UST: variants seen among roughly 807,000 people sequenced by gnomAD.
The protein encoded by UST is uronyl 2-sulfotransferase.
Under a neutral mutation model 45.6 loss-of-function variants are expected in UST, and 21 were observed. That is an observed-to-expected ratio of 0.46 (90% CI 0.33 to 0.66). UST has a LOEUF of 0.66. Among genes scored for constraint, UST ranks in the 30% least tolerant of loss-of-function variants. The pLI, the probability that UST is intolerant of heterozygous loss-of-function variation, is 0.02. For synonymous variants in UST, 215 were observed against 200.6 expected (o/e 1.07, Z -0.61); for missense variants, 463 against 512.4 (o/e 0.90, Z 0.93).
chr6:148,922,326 C>G (rs924927928), intron 2 of UST, among the ~76,000 whole-genome samples: 4 of 150,652 alleles, frequency 2.7e-5, no homozygotes, highest in Non-Finnish European at 4.4e-5. Context: ...GGATTCTGAG[C>G]ATTTCATATA....
intron 1 of UST, among the ~76,000 whole-genome samples, chr6:148,776,393 T>C (rs1338887174): frequency 6.6e-6 from 1 of 152,086 alleles, no homozygotes; most frequent in Non-Finnish European, 1.5e-5. Context: ...AGGGTGGGAG[T>C]GTGGTCAATG....
chr6:148,877,178 T>C (rs1418637500), intron 1 of UST, among the ~76,000 whole-genome samples: 2 of 34,550 alleles, frequency 5.8e-5, no homozygotes, highest in African/African-American at 1.3e-4. Context: ...TGTATGAGTG[T>C]GGGGGTCGTG....
chr6:148,858,788 G>C (rs1019736017), intron 1 of UST, among the ~76,000 whole-genome samples: 2 of 152,086 alleles, frequency 1.3e-5, no homozygotes, highest in African/African-American at 4.8e-5. Flanking sequence ...CAGAATGATC[G>C]TTTCCAGCTT....
At chr6:148,939,824 A>G (rs1780089661) in intron 2 of UST, among the ~76,000 whole-genome samples, 1 of 152,210 alleles carries the variant, frequency 6.6e-6, no homozygotes, top group African/African-American at 2.4e-5. Context: ...TTTCTTAGAT[A>G]TGACACCAAA....
intron 1 of UST, among the ~76,000 whole-genome samples, chr6:148,768,348 A>G (rs1562561866): frequency 6.6e-6 from 1 of 152,106 alleles, no homozygotes. Context: ...TCTCTTATCA[A>G]TTCTAAGAGT....
At chr6:148,968,553 T>G (rs948383971) in intron 5 of UST, among the ~76,000 whole-genome samples, 9 of 152,352 alleles carry the variant, frequency 5.9e-5, no homozygotes, top group African/African-American at 2.2e-4. Flanking sequence ...GAGACTCTAA[T>G]CCAGCTCATG....
intron 5 of UST, among the ~76,000 whole-genome samples, chr6:148,981,102 C>A (rs1781124916): frequency 6.6e-6 from 1 of 152,146 alleles, no homozygotes; most frequent in Admixed American, 6.6e-5. Flanking sequence ...CTCATGATCC[C>A]AGCCTTTGAG....
At chr6:148,811,108 G>A (rs1280459881) in intron 1 of UST, among the ~76,000 whole-genome samples, 1 of 152,140 alleles carries the variant, frequency 6.6e-6, no homozygotes, top group African/African-American at 2.4e-5. Context: ...AAGCCCACTG[G>A]CATACAAAGG....
At position 148,855,961 on chromosome 6, in the gene UST, T is replaced by G. The variant is rs1017719685; in HGVS notation, c.248-31025T>G. ...CCTCCTTTGTATGTTGGTGATCAAT[T>G]CTAACTTTTTACAACCTAGTCAAAT... On this transcript the variant is annotated intron_variant, in intron 1 of 7. Coordinates refer to ENST00000367463, the MANE Select transcript of UST (RefSeq NM_005715.3). 7.1e-4 allele frequency among the ~76,000 whole-genome samples: 108 copies of G among 152,296 alleles called. 1 individual carries two copies. Among genetic ancestry groups the G allele is most frequent in the African/African-American group, 2.5e-3 (104 of 41,568 alleles).
chr6:148,884,233 T>G (rs1304010646), intron 1 of UST, among the ~76,000 whole-genome samples: 1 of 152,068 alleles, frequency 6.6e-6, no homozygotes, highest in Admixed American at 6.5e-5. Flanking sequence ...AAGATTTTGG[T>G]ATAAAGAGTT....
intron 5 of UST, among the ~76,000 whole-genome samples, chr6:148,981,324 C>T (rs184157160): frequency 2.0e-4 from 30 of 152,300 alleles, no homozygotes; most frequent in Non-Finnish European, 3.1e-4. Context: ...AGTGAAGCCG[C>T]CTCCATTAAG....
chr6:148,968,055 C>T (rs1012427505), intron 5 of UST, among the ~76,000 whole-genome samples: 1 of 152,126 alleles, frequency 6.6e-6, no homozygotes, highest in African/African-American at 2.4e-5. Flanking sequence ...GGGTAAAGTC[C>T]CTGCCAGGAG....
intron 3 of UST, among the ~76,000 whole-genome samples, chr6:148,944,043 A>G (rs981634164): frequency 6.6e-6 from 1 of 152,198 alleles, no homozygotes; most frequent in Non-Finnish European, 1.5e-5. Context: ...TTAAAGTTTC[A>G]ACGTGCATAA....
At chr6:148,980,755 G>A (rs190624348) in intron 5 of UST, among the ~76,000 whole-genome samples, 1 of 151,972 alleles carries the variant, frequency 6.6e-6, no homozygotes, top group Non-Finnish European at 1.5e-5. Flanking sequence ...ATCTTCCTCT[G>A]TTGCCTAGGT....
intron 7 of UST, among the ~76,000 whole-genome samples, chr6:149,044,320 A>G (rs373309290): frequency 5.9e-5 from 9 of 151,554 alleles, no homozygotes; most frequent in African/African-American, 1.9e-4. Context: ...TTTTCATTTC[A>G]AAAAAAAACT....
At chr6:149,034,855 T>C (rs961387105) in intron 7 of UST, among the ~76,000 whole-genome samples, 8 of 115,660 alleles carry the variant, frequency 6.9e-5, no homozygotes, top group Non-Finnish European at 1.7e-5. Flanking sequence ...TCTCTCTCTC[T>C]CTCTCTCTCT....
At chr6:148,946,314 C>T (rs993892155) in intron 3 of UST, among the ~76,000 whole-genome samples, 1 of 151,926 alleles carries the variant, frequency 6.6e-6, no homozygotes, top group African/African-American at 2.4e-5. Context: ...AGTTCGAGAC[C>T]AGCCTGGCCA....
At chr6:149,052,624 C>T (rs1471071846) in intron 7 of UST, among the ~76,000 whole-genome samples, 1 of 151,932 alleles carries the variant, frequency 6.6e-6, no homozygotes, top group Non-Finnish European at 1.5e-5. Flanking sequence ...CTGAAAAGGG[C>T]AAAATCTAAA....
At chr6:148,945,862 G>A (rs927991398) in intron 3 of UST, among the ~76,000 whole-genome samples, 1 of 152,114 alleles carries the variant, frequency 6.6e-6, no homozygotes, top group Non-Finnish European at 1.5e-5. Context: ...CCCACCAGTT[G>A]TAACAGTAAA....
Sources: gnomAD v4.1 joint callset for allele counts (sites outside exome capture counted in the v4.1 genomes callset) on GRCh38, gnomAD v4.1.1 for gene constraint, MANE v1.5 for transcripts, NCBI Gene and HGNC (gene_info 2026-07-23, HGNC 2026-07-21) for gene names.